EMCN: variants seen among roughly 807,000 people sequenced by gnomAD.
EMCN encodes endomucin.
A neutral mutation model predicts 38.4 loss-of-function variants in EMCN; 37 were observed. The observed-to-expected ratio is 0.96, with a 90% CI of 0.74 to 1.27. The LOEUF is 1.27. EMCN is among the 50% of genes most tolerant of loss of function. The pLI is 0.00. For missense variants in EMCN, 318 were observed against 302.8 expected (o/e 1.05, Z -0.37); for synonymous variants, 95 against 100.8 (o/e 0.94, Z 0.35).
intron 1 of EMCN, among the ~76,000 whole-genome samples, chr4:100,506,913 G>A (rs1389215339): frequency 6.6e-6 from 1 of 152,040 alleles, no homozygotes; most frequent in African/African-American, 2.4e-5. Context: ...TAATATCATA[G>A]CTTCTGCATT....
At chr4:100,494,255 T>C (rs752573527) in intron 1 of EMCN, among the ~76,000 whole-genome samples, 47 of 152,300 alleles carry the variant, frequency 3.1e-4, no homozygotes, top group Non-Finnish European at 5.0e-4. Flanking sequence ...GAGTTACTTG[T>C]GGTGGGTTAA....
chr4:100,439,551 T>A lies in EMCN; in HGVS notation c.415+7982A>T, dbSNP rs547866231. On this transcript the variant is annotated intron_variant, in intron 5 of 11. Transcript: ENST00000296420. ...TTTTTTCATTTAGACCAGCTAAAGG[T>A]TTATCCATTTTTTTTTATTTTTTGA... Among the ~76,000 whole-genome samples, 27 of 148,712 alleles carry A rather than the reference T, an allele frequency of 1.8e-4. No individual in the cohort carries two copies. The East Asian group carries it at 4.4e-3, about 24-fold the overall frequency.
chr4:100,487,889 T>C (rs1728981824), intron 1 of EMCN, among the ~76,000 whole-genome samples: 1 of 152,228 alleles, frequency 6.6e-6, no homozygotes, highest in Non-Finnish European at 1.5e-5. Flanking sequence ...AATACAGCTT[T>C]CCTCTGAACT....
chr4:100,471,300 G>A (rs1311394006), intron 3 of EMCN, among the ~76,000 whole-genome samples: 1 of 151,842 alleles, frequency 6.6e-6, no homozygotes, highest in East Asian at 1.9e-4. Context: ...AGGATTATAA[G>A]GCAATGCTGT....
intron 11 of EMCN, among the ~76,000 whole-genome samples, chr4:100,399,690 T>G (rs1022874508): frequency 6.6e-6 from 1 of 152,126 alleles, no homozygotes; most frequent in Non-Finnish European, 1.5e-5. Flanking sequence ...CTGAACTAGT[T>G]TTTTAGGCAT....
chr4:100,456,585 A>G (rs1017779985), intron 4 of EMCN, among the ~76,000 whole-genome samples: 7 of 152,092 alleles, frequency 4.6e-5, no homozygotes, highest in African/African-American at 1.7e-4. Flanking sequence ...TCTTTGACAC[A>G]TAAGTTACTG....
At chr4:100,472,262 A>C (rs569163548) in intron 3 of EMCN, among the ~76,000 whole-genome samples, 327 of 152,092 alleles carry the variant, frequency 2.2e-3, no homozygotes, top group African/African-American at 7.5e-3. Flanking sequence ...AGTTCAATAG[A>C]GTGGAAGGAT....
intron 2 of EMCN, among the ~76,000 whole-genome samples, chr4:100,475,884 G>A (rs960633389): frequency 1.3e-5 from 2 of 151,716 alleles, no homozygotes; most frequent in Non-Finnish European, 2.9e-5. Flanking sequence ...GGGTTTCACC[G>A]TGTTAGCGAG....
In EMCN at chr4:100,511,057, G is replaced by C. The variant is rs114184428; in HGVS notation, c.64+6794C>G. On this transcript the variant is annotated intron_variant, in intron 1 of 11. Coordinates refer to ENST00000296420, the MANE Select transcript of EMCN (RefSeq NM_016242.4). ...ATAGTCTTAGTTGTCAGTTTAGAAG[G>C]CTGAAGTTGCTGTGAGGCGGAGTAG... 2.2e-3 allele frequency among the ~76,000 whole-genome samples: 340 copies of C among 152,252 alleles called. 3 individuals carry two copies. Among genetic ancestry groups the C allele is most frequent in the African/African-American group, 8.0e-3 (332 of 41,560 alleles).
intron 5 of EMCN, among the ~76,000 whole-genome samples, chr4:100,425,048 A>C (rs1055946806): frequency 6.6e-6 from 1 of 151,964 alleles, no homozygotes; most frequent in Non-Finnish European, 1.5e-5. Flanking sequence ...TTAAGACTTC[A>C]TAGTGGAAAG....
chr4:100,440,795 T>C (rs1425264473), intron 5 of EMCN, among the ~76,000 whole-genome samples: 1 of 152,038 alleles, frequency 6.6e-6, no homozygotes, highest in African/African-American at 2.4e-5. Context: ...AGCAGTGGGA[T>C]TGCTGGATGA....
intron 1 of EMCN, among the ~76,000 whole-genome samples, chr4:100,493,409 C>T (rs1398046451): frequency 6.6e-6 from 1 of 152,082 alleles, no homozygotes; most frequent in Non-Finnish European, 1.5e-5. Context: ...GCTCATGTGG[C>T]GGAAGAAAGA....
chr4:100,414,616 A>T (rs1726662358), intron 10 of EMCN, among the ~76,000 whole-genome samples: 1 of 152,058 alleles, frequency 6.6e-6, no homozygotes, highest in South Asian at 2.1e-4. Flanking sequence ...GGCTCATGTG[A>T]GGGATTTCAG....
chr4:100,466,332 A>G (rs1195204253), intron 3 of EMCN, among the ~76,000 whole-genome samples: 3 of 152,216 alleles, frequency 2.0e-5, no homozygotes, highest in African/African-American at 7.2e-5. Context: ...AAAGCAGTTT[A>G]GTAGATCTCT....
At position 100,395,350 on chromosome 4, in the gene EMCN, A is replaced by C. The variant is rs1172003829; in HGVS notation, c.*3063T>G. ...AAGCCCAAAAGACAAATTCCCTAGA[A>C]ATTGGGGCAGAGTACACCCATTTAT... On this transcript the variant is annotated 3_prime_UTR_variant, in exon 12 of 12. Transcript: ENST00000296420. The C allele has an allele frequency of 6.6e-6, 1 of 152,174 alleles. No individual in the cohort carries two copies. Among genetic ancestry groups the C allele is most frequent in the African/African-American group, 2.4e-5 (1 of 41,460 alleles). 9.4% of individuals were successfully genotyped at this position (152,174 alleles called of 1,614,324 possible).
rs569713056 is a variant in EMCN at position 100,454,787 on chromosome 4, G to A, written c.377-7216C>T. Among the ~76,000 whole-genome samples, 10 of 152,226 alleles carry A rather than the reference G, an allele frequency of 6.6e-5. No individual in the cohort carries two copies. In the South Asian group the frequency reaches 2.1e-3, roughly 32 times the overall value. On this transcript the variant is annotated intron_variant, in intron 4 of 11. Coordinates refer to ENST00000296420, the MANE Select transcript of EMCN (RefSeq NM_016242.4). ...TTGTACTTTCTTTAAGAAAGTCAAG[G>A]TTCAAATAACTCTCTTTATCCCCGA...
chr4:100,484,820 T>C (rs944132379), intron 1 of EMCN, among the ~76,000 whole-genome samples: 10 of 152,198 alleles, frequency 6.6e-5, no homozygotes, highest in Admixed American at 2.0e-4. Context: ...AGAAAAGTTA[T>C]GAGTTTTAGG....
At chr4:100,501,507 T>C (rs899825361) in intron 1 of EMCN, among the ~76,000 whole-genome samples, 24 of 152,280 alleles carry the variant, frequency 1.6e-4, no homozygotes, top group Non-Finnish European at 3.4e-4. Context: ...GGTAGAGTTA[T>C]GTTATCCTTT....
chr4:100,475,244 G>T, intron 2 of EMCN, 135 bp from the exon 3 acceptor site: 1 of 330,642 alleles, frequency 3.0e-6, no homozygotes, highest in Non-Finnish European at 5.6e-6. Context: ...TTTCCAGTTC[G>T]TTTTGTCTAA....
Sources: allele counts gnomAD v4.1 joint callset (sites outside exome capture counted in the v4.1 genomes callset), GRCh38; gene constraint gnomAD v4.1.1; transcripts MANE v1.5; gene names NCBI Gene and HGNC (gene_info 2026-07-23, HGNC 2026-07-21).